Variants in SEMA4D observed in about 807,000 individuals in gnomAD.
SEMA4D encodes the protein semaphorin 4D.
In SEMA4D, 22 loss-of-function variants were observed where a neutral mutation model predicts 74.8. The observed-to-expected ratio is 0.29, with a 90% confidence interval of 0.21 to 0.42. The LOEUF is 0.42. SEMA4D is among the 10% of genes least tolerant of loss of function. The pLI is 1.00. For missense variants in SEMA4D, 937 were observed against 1,118.4 expected (o/e 0.84, Z 2.31); for synonymous variants, 445 against 463.7 (o/e 0.96, Z 0.52).
intron 16 of SEMA4D, among the ~76,000 whole-genome samples, chr9:89,366,336 T>C (rs527751725): frequency 2.3e-4 from 34 of 148,640 alleles, no homozygotes; most frequent in Non-Finnish European, 3.1e-4. Context: ...TCCAAACTTA[T>C]AACAAACAAG....
intron 6 of SEMA4D, among the ~76,000 whole-genome samples, chr9:89,395,835 T>C (rs1010540542): frequency 5.3e-5 from 8 of 152,208 alleles, no homozygotes; most frequent in Non-Finnish European, 1.2e-4. Context: ...TGACTCAAGA[T>C]TGGAAAATAT....
chr9:89,478,852 T>C (rs1400198354), intron 1 of SEMA4D, among the ~76,000 whole-genome samples: 1 of 148,422 alleles, frequency 6.7e-6, no homozygotes, highest in Non-Finnish European at 1.5e-5. Flanking sequence ...CTGTGTTGCA[T>C]GTTACCCTGA....
intron 13 of SEMA4D, among the ~76,000 whole-genome samples, chr9:89,382,335 A>G (rs1234699477): frequency 6.6e-6 from 1 of 152,212 alleles, no homozygotes; most frequent in East Asian, 1.9e-4. Flanking sequence ...ACAATACAAG[A>G]TTCCCAAATT....
intron 1 of SEMA4D, among the ~76,000 whole-genome samples, chr9:89,459,613 T>C (rs1452846542): frequency 5.9e-5 from 9 of 152,222 alleles, no homozygotes; most frequent in Non-Finnish European, 2.9e-5. Context: ...CAGAGCCTCT[T>C]CCCTGCAGCT....
chr9:89,374,215 G>A (rs757200570), downstream of SEMA4D, among the ~76,000 whole-genome samples: 2 of 152,224 alleles, frequency 1.3e-5, no homozygotes, highest in Non-Finnish European at 2.9e-5. Flanking sequence ...AGTCCATCCT[G>A]AGCACTGGCA....
chr9:89,490,568 C>T (rs9695510), intron 1 of SEMA4D, among the ~76,000 whole-genome samples: 14,909 of 152,154 alleles, frequency 0.098, 1,199 homozygotes, highest in East Asian at 0.33. Flanking sequence ...GATGACTCTG[C>T]CCAACGGTAG....
chr9:89,454,004 CCCG>C (rs1469373247), intron 2 of SEMA4D, among the ~76,000 whole-genome samples: 1 of 152,020 alleles, frequency 6.6e-6, no homozygotes, highest in Non-Finnish European at 1.5e-5. Flanking sequence ...ACTACAGGCG[CCCG>C]CCACCACGCC....
intron 12 of SEMA4D, among the ~76,000 whole-genome samples, chr9:89,386,940 C>T: frequency 6.6e-6 from 1 of 152,244 alleles, no homozygotes; most frequent in South Asian, 2.1e-4. Flanking sequence ...GTCCCTGTTC[C>T]AGAAGTGCTT....
chr9:89,401,135 G>A (rs1399123724), intron 4 of SEMA4D, among the ~76,000 whole-genome samples: 1 of 151,946 alleles, frequency 6.6e-6, no homozygotes, highest in Non-Finnish European at 1.5e-5. Flanking sequence ...GCTCACTGCA[G>A]CCTCGACCTC....
At chr9:89,375,290 C>T (rs1448453530), downstream of SEMA4D, among the ~76,000 whole-genome samples, 3 of 152,140 alleles carry the variant, frequency 2.0e-5, no homozygotes, top group Non-Finnish European at 4.4e-5. Context: ...ACTAGCTGGC[C>T]GAGGAGCACC....
chr9:89,455,041 G>A (rs969916695), intron 2 of SEMA4D, among the ~76,000 whole-genome samples: 3 of 152,278 alleles, frequency 2.0e-5, no homozygotes, highest in Non-Finnish European at 2.9e-5. Flanking sequence ...ACAGTTGGGA[G>A]GGGGTGGGGA....
intron 1 of SEMA4D, among the ~76,000 whole-genome samples, chr9:89,465,878 G>A (rs1261262448): frequency 1.3e-5 from 2 of 152,234 alleles, no homozygotes; most frequent in African/African-American, 2.4e-5. Flanking sequence ...GGTGGAATGA[G>A]GAGAAGATGG....
chr9:89,476,141 C>T (rs996500057), intron 1 of SEMA4D, among the ~76,000 whole-genome samples: 4 of 152,180 alleles, frequency 2.6e-5, no homozygotes, highest in African/African-American at 9.7e-5. Flanking sequence ...CCTTCGGCCA[C>T]CTCATGCTGG....
At chr9:89,473,490 CAGG>C (rs765233414) in intron 1 of SEMA4D, among the ~76,000 whole-genome samples, 2 of 152,076 alleles carry the variant, frequency 1.3e-5, no homozygotes, top group Non-Finnish European at 2.9e-5. Flanking sequence ...CCCAGCTACT[CAGG>C]AGGCTGACAT....
intron 1 of SEMA4D, among the ~76,000 whole-genome samples, chr9:89,475,688 C>T (rs2136067440): frequency 6.6e-6 from 1 of 152,314 alleles, no homozygotes; most frequent in South Asian, 2.1e-4. Context: ...GTGTTTCTCC[C>T]GCCTCGCTGT....
Position 89,461,700 on chromosome 9 carries a change from C to CTCTCTCTTTTTTTTTTTT in SEMA4D, c.-309-5748_-309-5747insAAAAAAAAAAAAGAGAGA, listed in dbSNP as rs71281350. Among the ~76,000 whole-genome samples, 10 of 103,662 alleles carry CTCTCTCTTTTTTTTTTTT rather than the reference C, an allele frequency of 9.6e-5. 1 individual carries two copies. The East Asian group carries it at 2.6e-3, about 27-fold the overall frequency. The allele number at this position is 103,662 out of a possible 152,430, so 68.0% of individuals were successfully genotyped here. A position where few individuals can be genotyped will look rare whatever the true frequency, so the allele number is the denominator to read the frequency against. ...GGGCCAATGTGTATTTCTTTTTTCTCTTTTTTTTTTTTTTTTTTTGGAGAC... is the reference window on the plus strand; with the variant it reads ...GGGCCAATGTGTATTTCTTTTTTCTCTCTCTCTTTTTTTTTTTTTTTTTTTTTTTTTTTTTTTGGAGAC... On this transcript the variant is annotated intron_variant, in intron 1 of 15. Transcript: ENST00000422704.
intron 3 of SEMA4D, among the ~76,000 whole-genome samples, chr9:89,405,089 C>T (rs1587637014): frequency 1.3e-5 from 2 of 149,748 alleles, no homozygotes; most frequent in South Asian, 2.1e-4. Context: ...CCCAGCCACC[C>T]GCCTCAGCAT....
chr9:89,394,988 G>A (rs985265588), intron 6 of SEMA4D, among the ~76,000 whole-genome samples: 6 of 152,200 alleles, frequency 3.9e-5, no homozygotes, highest in Non-Finnish European at 5.9e-5. Flanking sequence ...GCACACATAT[G>A]TACACAGACA....
downstream of SEMA4D, chr9:89,376,722 A>T (rs759492708): frequency 3.8e-5 from 54 of 1,405,842 alleles, no homozygotes; most frequent in Non-Finnish European, 5.0e-5. Context: ...CAGGACAGAT[A>T]AGGAAGGTAA....
Sources: allele counts gnomAD v4.1 joint callset (sites outside exome capture counted in the v4.1 genomes callset), GRCh38; gene constraint gnomAD v4.1.1; transcripts MANE v1.5; gene names NCBI Gene and HGNC (gene_info 2026-07-23, HGNC 2026-07-21).